STUM: variants seen among roughly 807,000 people sequenced by gnomAD.
STUM encodes protein stum homolog.
STUM carries 8 observed loss-of-function variants against 15.3 expected under a neutral mutation model. The ratio of observed to expected loss-of-function variants is 0.52; its 90% CI spans 0.31 to 0.94. STUM has a LOEUF of 0.94. Ranked by LOEUF, STUM falls within the 40% of genes least tolerant of loss-of-function variation. The pLI, the probability that STUM is intolerant of heterozygous loss-of-function variation, is 0.05. For synonymous variants in STUM, 78 were observed against 88.7 expected, an observed-to-expected ratio of 0.88 and a Z score of 0.68; for missense variants, 142 against 204.9, an observed-to-expected ratio of 0.69 and a Z score of 1.87.
At position 226,549,743 on chromosome 1, in the gene STUM, G is replaced by A. The variant is rs911340797; in HGVS notation, c.202+637G>A. ...GGATGGGGGATGATTTTATTAGTTT[G>A]GATGCATGTGGCCAGAGATGAACCC... On this transcript the variant is annotated intron_variant, in intron 1 of 3. Transcript: ENST00000366788. This position sits in a 1 kb window ranked among gnomAD's most constrained non-coding sequence, Gnocchi z 6.8. Among the ~76,000 whole-genome samples the A allele has an allele frequency of 1.4e-4, 21 of 152,174 alleles. No individual in the cohort carries two copies. Among genetic ancestry groups the A allele is most frequent in the South Asian group, 8.3e-4 (4 of 4,828 alleles).
rs528076537 is a variant in STUM at position 226,548,979 on chromosome 1, G to A, written c.75G>A (p.Ala25=). 2.6e-6 allele frequency: 4 copies of A among 1,522,000 alleles called. No individual in the cohort carries two copies. The highest frequency in any genetic ancestry group is 2.7e-5 in the East Asian group (1 of 37,094). 94.3% of individuals were successfully genotyped at this position (1,522,000 alleles called of 1,614,324 possible). A position where few individuals can be genotyped will look rare whatever the true frequency, so the allele number is the denominator to read the frequency against. The change falls in exon 1 of 4, where the codon GCG becomes GCA. Residue 25 remains alanine (A), a synonymous_variant. Coordinates refer to ENST00000366788, the MANE Select transcript of STUM (RefSeq NM_001003665.4). ...AAVAAADPRG[A]SSSSGVVVQV... ...TGGCGGCGGCGGACCCCCGGGGGGCGTCCTCGTCCAGCGGGGTGGTGGTGC... is the reference window on the plus strand; with the variant it reads ...TGGCGGCGGCGGACCCCCGGGGGGCATCCTCGTCCAGCGGGGTGGTGGTGC...
intron 1 of STUM, among the ~76,000 whole-genome samples, chr1:226,586,398 C>A (rs1571808563): frequency 6.6e-6 from 1 of 152,182 alleles, no homozygotes; most frequent in Admixed American, 6.5e-5. Context: ...TCAGCTTTAA[C>A]AAGCTCCATG....
chr1:226,569,698 A>G (rs970951529), intron 1 of STUM, among the ~76,000 whole-genome samples: 1 of 152,148 alleles, frequency 6.6e-6, no homozygotes, highest in African/African-American at 2.4e-5. Context: ...GGGAAGCTCA[A>G]TGTAACGTAC....
intron 1 of STUM, among the ~76,000 whole-genome samples, chr1:226,577,050 G>C (rs1667828184): frequency 6.6e-6 from 1 of 152,188 alleles, no homozygotes; most frequent in South Asian, 2.1e-4. Flanking sequence ...CACATACAGA[G>C]ATAGGCATTA....
intron 1 of STUM, among the ~76,000 whole-genome samples, chr1:226,590,429 G>A (rs962973757): frequency 2.4e-4 from 36 of 152,044 alleles, no homozygotes; most frequent in African/African-American, 8.2e-4. Context: ...TCCTCCAGAC[G>A]GTTCTCTCCT....
At chr1:226,557,356 C>T (rs535964131) in intron 1 of STUM, among the ~76,000 whole-genome samples, 5 of 152,294 alleles carry the variant, frequency 3.3e-5, no homozygotes, top group South Asian at 2.1e-4. Flanking sequence ...GGCATATATA[C>T]CCCCTTTTCT....
Position 226,548,779 on chromosome 1 carries a change from C to A in STUM, c.-126C>A. On this transcript the variant is annotated 5_prime_UTR_variant, in exon 1 of 4. Transcript: ENST00000366788. The stretch of plus-strand genomic sequence containing the variant: ...GGGAGTCTCCGCGAGCCGCGCGGCG[C>A]ACGGAGCACGGCGGCCGCCTGAGCT... 1.4e-6 allele frequency: 1 copy of A among 737,526 alleles called. No homozygotes were observed. The highest frequency in any genetic ancestry group is 1.8e-6 in the Non-Finnish European group (1 of 551,348). The allele number at this position is 737,526 out of a possible 1,614,324, so 45.7% of individuals were successfully genotyped here.
At chr1:226,550,977 A>G (rs562240200) in intron 1 of STUM, among the ~76,000 whole-genome samples, 1 of 152,352 alleles carries the variant, frequency 6.6e-6, no homozygotes, top group African/African-American at 2.4e-5. Context: ...ATAAGAAACC[A>G]GGAGAAAATA....
At position 226,608,367 on chromosome 1, in the gene STUM, C is replaced by T. The variant is rs1198708923; in HGVS notation, c.*6327C>T. 2 of 152,196 alleles carry T rather than the reference C, an allele frequency of 1.3e-5. No individual in the cohort carries two copies. The highest frequency in any genetic ancestry group is 1.5e-5 in the Non-Finnish European group (1 of 68,034). 9.4% of individuals were successfully genotyped at this position (152,196 alleles called of 1,614,324 possible). A position where few individuals can be genotyped will look rare whatever the true frequency, so the allele number is the denominator to read the frequency against. On this transcript the variant is annotated 3_prime_UTR_variant, in exon 4 of 4. Transcript: ENST00000366788. The surrounding 1 kb of genome is among the most constrained non-coding windows in gnomAD (Gnocchi z 4.0). ...TCGTGGGCACCGTCACCCCAGAAGG[C>T]CTGGGCACCCATGAGAACCTGTGGC...
chr1:226,561,796 C>T (rs1667546131), intron 1 of STUM, among the ~76,000 whole-genome samples: 2 of 152,142 alleles, frequency 1.3e-5, no homozygotes, highest in Admixed American at 1.3e-4. Context: ...AAAGTGTCTA[C>T]CCTTGGAATG....
At chr1:226,574,863 C>T (rs1192448216) in intron 1 of STUM, among the ~76,000 whole-genome samples, 9 of 152,136 alleles carry the variant, frequency 5.9e-5, no homozygotes, top group South Asian at 2.1e-4. Context: ...TCGGGGTCAG[C>T]GGGGCCCCAG....
intron 1 of STUM, among the ~76,000 whole-genome samples, chr1:226,554,017 C>T (rs1009462802): frequency 6.6e-6 from 1 of 152,180 alleles, no homozygotes; most frequent in African/African-American, 2.4e-5. Context: ...ATATGGCTTG[C>T]CTGCCCTTGT....
intron 1 of STUM, among the ~76,000 whole-genome samples, chr1:226,590,002 G>A (rs528901099): frequency 6.6e-6 from 1 of 152,092 alleles, no homozygotes; most frequent in African/African-American, 2.4e-5. Context: ...GCAGTCTAGA[G>A]GTGGAACCTT....
In STUM at chr1:226,560,138, C is replaced by A. The variant is rs775076976; in HGVS notation, c.202+11032C>A. On this transcript the variant is annotated intron_variant, in intron 1 of 3. Coordinates refer to ENST00000366788, the MANE Select transcript of STUM (RefSeq NM_001003665.4). ...TAGGTGACAGAGTGAGACTCTGTCT[C>A]AAAACAAACAAACAAGACAAAAAAA... Among the ~76,000 whole-genome samples the A allele has an allele frequency of 1.1e-3, 165 of 152,134 alleles. 1 individual carries two copies. Among genetic ancestry groups the A allele is most frequent in the Non-Finnish European group, 5.4e-4 (37 of 68,028 alleles).
At chr1:226,587,148 A>T (rs1444675662) in intron 1 of STUM, among the ~76,000 whole-genome samples, 1 of 152,176 alleles carries the variant, frequency 6.6e-6, no homozygotes, top group Non-Finnish European at 1.5e-5. Flanking sequence ...TCAGAGGTCT[A>T]GGAGGGGGCA....
In STUM at chr1:226,600,362, G is replaced by C. The variant is rs1350497454; in HGVS notation, c.383-304G>C. On this transcript the variant is annotated intron_variant, in intron 2 of 3. Coordinates refer to ENST00000366788, the MANE Select transcript of STUM (RefSeq NM_001003665.4). The surrounding 1 kb of genome is among the most constrained non-coding windows in gnomAD (Gnocchi z 5.2). ...GCATGGCCAGGATATGGAGGGCTGG[G>C]GAGGCAGTGGACCAAGCTCCCTGGC... Among the ~76,000 whole-genome samples the C allele has an allele frequency of 6.6e-6, 1 of 152,218 alleles. No homozygotes were observed. The highest frequency in any genetic ancestry group is 1.5e-5 in the Non-Finnish European group (1 of 68,038).
intron 1 of STUM, among the ~76,000 whole-genome samples, chr1:226,574,717 TGA>T (rs1558281822): frequency 6.6e-6 from 1 of 152,146 alleles, no homozygotes; most frequent in East Asian, 1.9e-4. Flanking sequence ...ACCAGGCCTG[TGA>T]GAGATGTGGA....
chr1:226,564,862 C>T (rs1354537340), intron 1 of STUM, among the ~76,000 whole-genome samples: 1 of 152,180 alleles, frequency 6.6e-6, no homozygotes. Context: ...GCATCTCATG[C>T]ATTCCGGTTC....
At chr1:226,581,408 T>C (rs1558283819) in intron 1 of STUM, among the ~76,000 whole-genome samples, 1 of 152,224 alleles carries the variant, frequency 6.6e-6, no homozygotes. Flanking sequence ...TATAACAGAA[T>C]GAAGTTTATT....
Sources: gnomAD v4.1 joint callset for allele counts (sites outside exome capture counted in the v4.1 genomes callset) on GRCh38, gnomAD v4.1.1 for gene constraint, Gnocchi (gnomAD v3.1) non-coding constraint, MANE v1.5 for transcripts, NCBI Gene and HGNC (gene_info 2026-07-23, HGNC 2026-07-21) for gene names.